The following XKR6 variants were observed in gnomAD, a reference collection of about 807,000 sequenced individuals.
The protein encoded by XKR6 is XK-related protein 6.
In XKR6, 22 loss-of-function variants were observed where a neutral mutation model predicts 56.7. The observed-to-expected ratio is 0.39, with a 90% CI of 0.28 to 0.55. The LOEUF (loss-of-function observed/expected upper bound fraction) is 0.55. Among genes scored for constraint, XKR6 ranks in the 20% least tolerant of loss-of-function variants. The probability of loss-of-function intolerance (pLI) is 0.66; values close to 1 mark genes in which losing one functional copy is unlikely to be tolerated. For synonymous variants in XKR6, 524 were observed against 387.8 expected, an observed-to-expected ratio of 1.35 and a Z score of -4.13; for missense variants, 852 against 889.0, an observed-to-expected ratio of 0.96 and a Z score of 0.53.
chr8:11,167,502 C>G (rs921352033), intron 1 of XKR6, among the ~76,000 whole-genome samples: 1 of 152,132 alleles, frequency 6.6e-6, no homozygotes, highest in Non-Finnish European at 1.5e-5. Context: ...ATCCAGACAC[C>G]TGGGGTCAAA....
chr8:11,145,104 T>A (rs1407708281), intron 1 of XKR6, among the ~76,000 whole-genome samples: 1 of 151,846 alleles, frequency 6.6e-6, no homozygotes, highest in South Asian at 2.1e-4. Context: ...ATGCAAAACC[T>A]AAAATGCTCC....
At chr8:11,055,850 C>A (rs567390341) in intron 1 of XKR6, among the ~76,000 whole-genome samples, 1 of 152,132 alleles carries the variant, frequency 6.6e-6, no homozygotes, top group Non-Finnish European at 1.5e-5. Context: ...GGCTGGGGAA[C>A]CTGGATCACA....
intron 1 of XKR6, among the ~76,000 whole-genome samples, chr8:11,089,599 T>C (rs1246830110): frequency 1.3e-5 from 2 of 152,188 alleles, no homozygotes; most frequent in Non-Finnish European, 2.9e-5. Context: ...ACTGTTCTAC[T>C]GTACTTCTGC....
chr8:11,042,954 G>A (rs1179444388), intron 1 of XKR6, among the ~76,000 whole-genome samples: 1 of 152,104 alleles, frequency 6.6e-6, no homozygotes, highest in African/African-American at 2.4e-5. Flanking sequence ...GGGTGCAGGA[G>A]ACTTGAGATT....
At chr8:11,175,910 C>T (rs1802633052) in intron 1 of XKR6, among the ~76,000 whole-genome samples, 1 of 152,148 alleles carries the variant, frequency 6.6e-6, no homozygotes, top group African/African-American at 2.4e-5. Flanking sequence ...AACAAGAATA[C>T]AGGTTAGCAA....
At chr8:11,153,941 C>G (rs1471586667) in intron 1 of XKR6, among the ~76,000 whole-genome samples, 1 of 152,186 alleles carries the variant, frequency 6.6e-6, no homozygotes, top group Non-Finnish European at 1.5e-5. Flanking sequence ...AGTATTCTTC[C>G]TAATTGGTCT....
chr8:10,899,059 T>G, intron 2 of XKR6, 143 bp from the exon 3 acceptor site: 1 of 1,292,046 alleles, frequency 7.7e-7, no homozygotes, highest in Non-Finnish European at 1.0e-6. Flanking sequence ...GGAACCGAAC[T>G]TGGAGGTCAC....
chr8:11,123,208 G>C (rs1799542683), intron 1 of XKR6, among the ~76,000 whole-genome samples: 1 of 143,548 alleles, frequency 7.0e-6, no homozygotes. Flanking sequence ...CTGCACTCCA[G>C]CCTGGGTGGC....
At chr8:11,093,274 C>T (rs1197078742) in intron 1 of XKR6, among the ~76,000 whole-genome samples, 6 of 152,292 alleles carry the variant, frequency 3.9e-5, no homozygotes, top group East Asian at 3.9e-4. Flanking sequence ...AGGCTAGTGT[C>T]GAACTCCTGA....
At chr8:10,975,618 G>C (rs900078056) in intron 1 of XKR6, among the ~76,000 whole-genome samples, 2 of 152,206 alleles carry the variant, frequency 1.3e-5, no homozygotes, top group African/African-American at 4.8e-5. Context: ...TCCTCTCTGG[G>C]CTGGAGGAAA....
chr8:10,928,656 T>TGATCTCATCCCACAGGCCCGC (rs144271220), intron 1 of XKR6, among the ~76,000 whole-genome samples: 5,307 of 152,186 alleles, frequency 0.035, 317 homozygotes, highest in African/African-American at 0.12. Flanking sequence ...TCCAGGCAAG[T>TGATCTCATCCCACAGGCCCGC]GATCTCATCC....
At position 10,969,561 on chromosome 8, in the gene XKR6, C is replaced by A. The variant is rs937947712; in HGVS notation, c.765-44731G>T. On this transcript the variant is annotated intron_variant, in intron 1 of 2. Coordinates refer to ENST00000416569, the MANE Select transcript of XKR6 (RefSeq NM_173683.4). ...CAGAACACACAGCTTAAGGGGAAAT[C>A]AAGAGAATGCGGAGTAAGCCCAAAG... is the stretch of plus-strand genomic sequence containing the variant. Among the ~76,000 whole-genome samples, 7 of 152,304 alleles carry A rather than the reference C, an allele frequency of 4.6e-5. No individual in the cohort carries two copies. The East Asian group carries it at 1.4e-3, about 29-fold the overall frequency.
intron 1 of XKR6, among the ~76,000 whole-genome samples, chr8:11,024,410 G>A (rs1265629616): frequency 6.6e-6 from 1 of 152,158 alleles, no homozygotes; most frequent in Non-Finnish European, 1.5e-5. Context: ...AGCTATGACA[G>A]AACCCATGAT....
chr8:11,116,194 T>G (rs1055588296), intron 1 of XKR6, among the ~76,000 whole-genome samples: 1 of 152,206 alleles, frequency 6.6e-6, no homozygotes, highest in Admixed American at 6.5e-5. Flanking sequence ...TCCTTTCCCA[T>G]GTATGTCGGA....
chr8:10,907,454 A>G (rs993760260), intron 2 of XKR6, among the ~76,000 whole-genome samples: 1 of 152,206 alleles, frequency 6.6e-6, no homozygotes, highest in Non-Finnish European at 1.5e-5. Context: ...ACTCTATGCT[A>G]GGCACTGCAC....
intron 1 of XKR6, among the ~76,000 whole-genome samples, chr8:11,010,110 T>C (rs990059888): frequency 6.6e-6 from 1 of 152,024 alleles, no homozygotes; most frequent in Non-Finnish European, 1.5e-5. Context: ...ACAATCATGG[T>C]GGAAGGTGAA....
chr8:11,141,714 T>C (rs1000032789), intron 1 of XKR6, among the ~76,000 whole-genome samples: 2 of 152,044 alleles, frequency 1.3e-5, no homozygotes, highest in Non-Finnish European at 2.9e-5. Context: ...GAACAGCAGC[T>C]CCTGATGGGA....
chr8:11,090,856 T>G (rs1433650806), intron 1 of XKR6, among the ~76,000 whole-genome samples: 2 of 152,210 alleles, frequency 1.3e-5, no homozygotes, highest in Non-Finnish European at 2.9e-5. Context: ...TTTTTGGTGT[T>G]CATGTGTCCT....
At chr8:11,010,383 G>A (rs543141526) in intron 1 of XKR6, among the ~76,000 whole-genome samples, 1 of 152,082 alleles carries the variant, frequency 6.6e-6, no homozygotes, top group East Asian at 1.9e-4. Flanking sequence ...GTAAAAACTG[G>A]TCCCAGGCAC....
Sources: gnomAD v4.1 joint callset for allele counts (sites outside exome capture counted in the v4.1 genomes callset) on GRCh38, gnomAD v4.1.1 for gene constraint, MANE v1.5 for transcripts, NCBI Gene and HGNC (gene_info 2026-07-23, HGNC 2026-07-21) for gene names.